SV2B: variants seen among roughly 807,000 people sequenced by gnomAD.
SV2B encodes the protein solute carrier family 22 member B2.
Under a neutral mutation model 73.9 loss-of-function variants are expected in SV2B, and 41 were observed. That is an observed-to-expected ratio of 0.56 (90% confidence interval 0.43 to 0.72). SV2B has a LOEUF of 0.72. SV2B is among the 30% of genes least tolerant of loss of function. SV2B has a pLI of 0.00. For missense variants in SV2B, 764 were observed against 857.8 expected, an observed-to-expected ratio of 0.89 and a Z score of 1.37; for synonymous variants, 314 against 314.2, an observed-to-expected ratio of 1.00 and a Z score of 0.01.
Position 91,239,752 on chromosome 15 carries a change from A to G in SV2B, c.452-12067A>G, listed in dbSNP as rs1009364018. Among the ~76,000 whole-genome samples the G allele has an allele frequency of 1.3e-5, 2 of 152,166 alleles. No individual in the cohort carries two copies. Among genetic ancestry groups the G allele is most frequent in the Admixed American group, 6.5e-5 (1 of 15,284 alleles). Reference sequence around the variant, plus strand: ...ATAGCTTTGAATCATAAAGATACTCATTATTTATTGATCAAGAATTTTCAA... The same window carrying G: ...ATAGCTTTGAATCATAAAGATACTCGTTATTTATTGATCAAGAATTTTCAA... On this transcript the variant is annotated intron_variant, in intron 2 of 12. Transcript: ENST00000394232. This position sits in a 1 kb window ranked among gnomAD's most constrained non-coding sequence, Gnocchi z 5.1.
intron 2 of SV2B, among the ~76,000 whole-genome samples, chr15:91,235,596 C>G (rs902740941): frequency 6.6e-6 from 1 of 152,134 alleles, no homozygotes. Flanking sequence ...ACAAAACACT[C>G]ATTTTATCAT....
intron 1 of SV2B, among the ~76,000 whole-genome samples, chr15:91,225,028 C>T (rs934206579): frequency 3.9e-5 from 6 of 152,206 alleles, no homozygotes; most frequent in Admixed American, 6.5e-5. Flanking sequence ...AGTATTTACC[C>T]GTGCAGACCA....
Position 91,281,802 on chromosome 15 carries a change from C to A in SV2B, c.1448C>A (p.Thr483Lys), listed in dbSNP as rs1195286061. 2.5e-6 allele frequency: 4 copies of A among 1,613,234 alleles called. No individual in the cohort carries two copies. The highest frequency in any genetic ancestry group is 3.4e-6 in the Non-Finnish European group (4 of 1,179,582). Reference protein sequence around the residue: ...FFDECYFEDVTSTDTYFKNCT... With the variant: ...FFDECYFEDVKSTDTYFKNCT... ...GACGAGTGCTATTTTGAAGACGTAACATCAACAGATACCTACTTCAAAAAT... is the reference window on the plus strand; with the variant it reads ...GACGAGTGCTATTTTGAAGACGTAAAATCAACAGATACCTACTTCAAAAAT... Residue 483 changes from threonine (T) to lysine (K), a missense_variant, in exon 10 of 13, where the codon ACA becomes AAA. Transcript: ENST00000394232. The surrounding 1 kb of genome is among the most constrained non-coding windows in gnomAD (Gnocchi z 4.7).
intron 1 of SV2B, among the ~76,000 whole-genome samples, chr15:91,175,260 C>CT (rs1182322611): frequency 6.1e-4 from 89 of 145,104 alleles, no homozygotes; most frequent in Middle Eastern, 3.7e-3. Flanking sequence ...TTTCTTTTTT[C>CT]TTTTTTTTTT....
chr15:91,211,500 C>A (rs1054551093), intron 1 of SV2B, among the ~76,000 whole-genome samples: 3 of 150,954 alleles, frequency 2.0e-5, no homozygotes, highest in Non-Finnish European at 3.0e-5. Flanking sequence ...GCTGCTTCTT[C>A]TTCTTCCTTT....
rs533513964 is a variant in SV2B, at chr15:91,298,968, A to G, written c.*6416A>G. On this transcript the variant is annotated 3_prime_UTR_variant, in exon 13 of 13. Transcript: ENST00000394232. This position sits in a 1 kb window ranked among gnomAD's most constrained non-coding sequence, Gnocchi z 5.4. ...GCATTAGTGATCATTTCAATAGGGT[A>G]TGAACAAAAGGCCTATAAAAATAGC... 21 of 152,236 alleles carry G rather than the reference A, an allele frequency of 1.4e-4. No individual in the cohort carries two copies. Among genetic ancestry groups the G allele is most frequent in the Non-Finnish European group, 2.6e-4 (18 of 68,028 alleles). 9.4% of individuals were successfully genotyped at this position (152,236 alleles called of 1,614,324 possible). A position where few individuals can be genotyped will look rare whatever the true frequency, so the allele number is the denominator to read the frequency against.
chr15:91,263,102 A>C (rs916001208), intron 6 of SV2B, among the ~76,000 whole-genome samples: 1 of 152,174 alleles, frequency 6.6e-6, no homozygotes, highest in African/African-American at 2.4e-5. Flanking sequence ...ACGGAGACAC[A>C]CATAGACATA....
rs955501391 is a variant in SV2B, at chr15:91,297,131, G to A, written c.*4579G>A. 1.3e-5 allele frequency: 2 copies of A among 154,534 alleles called. No homozygotes were observed. Among genetic ancestry groups the A allele is most frequent in the African/African-American group, 4.9e-5 (2 of 41,208 alleles). 9.6% of individuals were successfully genotyped at this position (154,534 alleles called of 1,614,324 possible). On this transcript the variant is annotated 3_prime_UTR_variant, in exon 13 of 13. Transcript: ENST00000394232. The surrounding 1 kb of genome is among the most constrained non-coding windows in gnomAD (Gnocchi z 5.1). ...GCACGCTCCTTCTGCCTGATTGTTG[G>A]AAGCACGCTCCTTCTGCCTTCAGAC...
chr15:91,300,258 G>C lies in SV2B; in HGVS notation c.*7706G>C, dbSNP rs957464973. ...GAGGAATATCTGACTATTTTTTTTTGTGTGTGAGATTTGGTCTCAGCTTTT... is the reference window on the plus strand; with the variant it reads ...GAGGAATATCTGACTATTTTTTTTTCTGTGTGAGATTTGGTCTCAGCTTTT... On this transcript the variant is annotated 3_prime_UTR_variant, in exon 13 of 13. Transcript: ENST00000394232. 2.6e-5 allele frequency: 4 copies of C among 151,172 alleles called. No individual in the cohort carries two copies. The highest frequency in any genetic ancestry group is 4.9e-5 in the African/African-American group (2 of 40,906). 9.4% of individuals were successfully genotyped at this position (151,172 alleles called of 1,614,324 possible). A position where few individuals can be genotyped will look rare whatever the true frequency, so the allele number is the denominator to read the frequency against.
intron 1 of SV2B, among the ~76,000 whole-genome samples, chr15:91,143,598 C>T (rs898233882): frequency 6.6e-6 from 1 of 151,926 alleles, no homozygotes; most frequent in East Asian, 1.9e-4. Flanking sequence ...AATTCTCGAT[C>T]GCCGAAAGTG....
At chr15:91,235,225 T>C (rs1351004783) in intron 2 of SV2B, among the ~76,000 whole-genome samples, 2 of 152,056 alleles carry the variant, frequency 1.3e-5, no homozygotes, top group African/African-American at 4.8e-5. Context: ...AAAATTGAGG[T>C]TTTTATGTAG....
In SV2B at chr15:91,226,302, T is replaced by C. The variant is rs1386355965; in HGVS notation, c.39T>C (p.Tyr13=). ...AGTATCAGGACAATTATGGGGGCTA[T>C]GCTCCCAGTGATGGCTATTACCGCG... ...DYKYQDNYGG[Y]APSDGYYRGN... Residue 13 remains tyrosine, a synonymous_variant, in exon 2 of 13, where the codon TAT becomes TAC. Coordinates refer to ENST00000394232, the MANE Select transcript of SV2B (RefSeq NM_001323032.3). 9 of 1,614,146 alleles carry C rather than the reference T, an allele frequency of 5.6e-6. No individual in the cohort carries two copies. The Admixed American group carries it at 1.5e-4, about 27-fold the overall frequency.
chr15:91,299,841 C>T lies in SV2B; in HGVS notation c.*7289C>T, dbSNP rs988709910. ...TGTATTTTTAGTAGAGACGGGGTTT[C>T]GCCATGTTGGCCAGGCTCGTCTCGA... is the stretch of plus-strand genomic sequence containing the variant. On this transcript the variant is annotated 3_prime_UTR_variant, in exon 13 of 13. Coordinates refer to ENST00000394232, the MANE Select transcript of SV2B (RefSeq NM_001323032.3). 3.9e-5 allele frequency: 6 copies of T among 152,072 alleles called. No homozygotes were observed. Among genetic ancestry groups the T allele is most frequent in the Non-Finnish European group, 8.8e-5 (6 of 68,040 alleles). 9.4% of individuals were successfully genotyped at this position (152,072 alleles called of 1,614,324 possible). A position where few individuals can be genotyped will look rare whatever the true frequency, so the allele number is the denominator to read the frequency against.
intron 9 of SV2B, among the ~76,000 whole-genome samples, chr15:91,277,839 A>G (rs1301031748): frequency 6.6e-6 from 1 of 152,138 alleles, no homozygotes; most frequent in Non-Finnish European, 1.5e-5. Context: ...TTATATCCTT[A>G]TTATTTCCCT....
chr15:91,282,742 AG>A (rs2048722995), intron 10 of SV2B, among the ~76,000 whole-genome samples: 1 of 152,214 alleles, frequency 6.6e-6, no homozygotes, highest in African/African-American at 2.4e-5. Flanking sequence ...ATCAGCAGCA[AG>A]GGATAGTTTA....
intron 1 of SV2B, among the ~76,000 whole-genome samples, chr15:91,191,059 GTTTC>G (rs1260981370): frequency 1.7e-5 from 1 of 59,734 alleles, no homozygotes; most frequent in Non-Finnish European, 3.5e-5. Flanking sequence ...TTTTTTTGGT[GTTTC>G]TTTTTTTTTT....
At chr15:91,271,824 T>C (rs752982366) in intron 9 of SV2B, among the ~76,000 whole-genome samples, 3 of 152,184 alleles carry the variant, frequency 2.0e-5, no homozygotes, top group Non-Finnish European at 4.4e-5. Context: ...AGCGCCTCCA[T>C]GAATACACGC....
chr15:91,180,737 G>C (rs921954059), intron 1 of SV2B, among the ~76,000 whole-genome samples: 17 of 152,186 alleles, frequency 1.1e-4, no homozygotes, highest in Non-Finnish European at 2.4e-4. Flanking sequence ...TTGGCTTTCA[G>C]CTCCATCAGC....
chr15:91,222,267 C>G (rs1016302366), intron 1 of SV2B, among the ~76,000 whole-genome samples: 1 of 152,154 alleles, frequency 6.6e-6, no homozygotes, highest in Non-Finnish European at 1.5e-5. Flanking sequence ...AAAATGGGCG[C>G]AATAATAGTC....
Sources: allele counts gnomAD v4.1 joint callset (sites outside exome capture counted in the v4.1 genomes callset), GRCh38; gene constraint gnomAD v4.1.1; non-coding constraint Gnocchi (gnomAD v3.1); transcripts MANE v1.5; gene names NCBI Gene and HGNC (gene_info 2026-07-23, HGNC 2026-07-21).